ATP5MC3: variants seen among roughly 807,000 people sequenced by gnomAD.
ATP5MC3 encodes the protein ATP synthase F(0) complex subunit C3, mitochondrial.
ATP5MC3 carries 6 observed loss-of-function variants against 15.6 expected under a neutral mutation model. The ratio of observed to expected loss-of-function variants is 0.38; its 90% confidence interval spans 0.21 to 0.76. The LOEUF is 0.76. Among genes scored for constraint, ATP5MC3 ranks in the 30% least tolerant of loss-of-function variants. The pLI, the probability that ATP5MC3 is intolerant of heterozygous loss-of-function variation, is 0.44. For missense variants in ATP5MC3, 132 were observed against 171.2 expected (o/e 0.77, Z 1.28); for synonymous variants, 66 against 63.3 (o/e 1.04, Z -0.20).
rs1362106124 is a variant in ATP5MC3, at chr2:175,181,483, G to A, written c.-73-17C>T. On this transcript the variant is annotated splice_polypyrimidine_tract_variant and intron_variant, in intron 1 of 4. Transcript: ENST00000284727. ...GCTTCCTCTCTGCGGAGGAAAAGAG[G>A]CTTAAGGTCAAGTGCCCTCCAGGGG... 3 of 1,533,020 alleles carry A rather than the reference G, an allele frequency of 2.0e-6. No homozygotes were observed. Among genetic ancestry groups the A allele is most frequent in the Admixed American group, 1.8e-5 (1 of 54,060 alleles). The allele number at this position is 1,533,020 out of a possible 1,614,324, so 95.0% of individuals were successfully genotyped here.
intron 4 of ATP5MC3, 108 bp from the exon 5 acceptor site, chr2:175,178,510 T>A: frequency 2.1e-6 from 3 of 1,456,574 alleles, no homozygotes; most frequent in Non-Finnish European, 2.7e-6. Context: ...AACTGAAAAG[T>A]CTGCTGGAAG....
Position 175,181,665 on chromosome 2 carries a change from AGGC to A in ATP5MC3, c.-86_-84del. The A allele has an allele frequency of 8.3e-6, 4 of 482,084 alleles. No homozygotes were observed. Among genetic ancestry groups the A allele is most frequent in the South Asian group, 3.3e-5 (1 of 30,406 alleles). The allele number at this position is 482,084 out of a possible 1,614,324, so 29.9% of individuals were successfully genotyped here. On this transcript the variant is annotated 5_prime_UTR_variant, in exon 1 of 5. Transcript: ENST00000284727. ...TGTGCCCTCCACTTACCTTCCCAGG[AGGC>A]GGCGGCGGCACGGGCTGCGGCAGAG...
In ATP5MC3 at chr2:175,178,072, C is replaced by T; in HGVS notation, c.*216G>A. 1.2e-6 allele frequency: 1 copy of T among 819,874 alleles called. No homozygotes were observed. The highest frequency in any genetic ancestry group is 1.7e-6 in the Non-Finnish European group (1 of 592,422). The allele number at this position is 819,874 out of a possible 1,614,324, so 50.8% of individuals were successfully genotyped here. A position where few individuals can be genotyped will look rare whatever the true frequency, so the allele number is the denominator to read the frequency against. On this transcript the variant is annotated 3_prime_UTR_variant, in exon 5 of 5. Coordinates refer to ENST00000284727, the MANE Select transcript of ATP5MC3 (RefSeq NM_001689.5). ...CTGCTGTAGCTTCCTCTGAATGGGA[C>T]AGCATCTGCCTGAATGCACGTTCTT...
At chr2:175,178,749 C>T in intron 4 of ATP5MC3, 8 of 1,160,100 alleles carry the variant, frequency 6.9e-6, no homozygotes, top group Non-Finnish European at 8.6e-6. Context: ...ATTTTATTCC[C>T]AAAATAGCTT....
intron 4 of ATP5MC3, 161 bp downstream of exon 4, chr2:175,178,896 A>ATT: frequency 4.9e-6 from 6 of 1,218,262 alleles, no homozygotes; most frequent in South Asian, 1.8e-5. Flanking sequence ...AACACCCCAA[A>ATT]TGGTGTTATG....
chr2:175,179,902 G>C, intron 3 of ATP5MC3, 196 bp downstream of exon 3: 1 of 520,714 alleles, frequency 1.9e-6, no homozygotes, highest in Non-Finnish European at 3.3e-6. Flanking sequence ...CCAAGTTTTG[G>C]ATAGAGAAAT....
At chr2:175,178,512 T>C (rs1469043996) in intron 4 of ATP5MC3, 110 bp from the exon 5 acceptor site, 4 of 1,454,190 alleles carry the variant, frequency 2.8e-6, no homozygotes, top group Admixed American at 2.9e-5. Flanking sequence ...CTGAAAAGTC[T>C]GCTGGAAGAG....
At chr2:175,181,528 C>T in intron 1 of ATP5MC3, 62 bp from the exon 2 acceptor site, 2 of 1,100,986 alleles carry the variant, frequency 1.8e-6, no homozygotes, top group Non-Finnish European at 2.6e-6. Flanking sequence ...CCCACCCAGG[C>T]CCCGCAGGCT....
rs1031065098 is a variant in ATP5MC3, at chr2:175,179,041, G to T, written c.314+16C>A. On this transcript the variant is annotated intron_variant, in intron 4 of 4. Transcript: ENST00000284727. ...GCAAGCATGCTCTTAACTTATTTAG[G>T]GATAGAAATGATTACCTGGCATAAC... 7 of 1,608,994 alleles carry T rather than the reference G, an allele frequency of 4.4e-6. No individual in the cohort carries two copies. Among genetic ancestry groups the T allele is most frequent in the African/African-American group, 1.3e-5 (1 of 74,826 alleles).
Position 175,180,123 on chromosome 2 carries a change from C to T in ATP5MC3, c.95G>A (p.Arg32Gln), listed in dbSNP as rs768171823. Residue 32 changes from arginine (R) to glutamine (Q), a missense_variant, in exon 3 of 5, where the codon CGA becomes CAA. Transcript: ENST00000284727. ...CTCTCCAGTCCTACTAGCCTCTGGT[C>T]GAGATAACACTGATGCAGAAATTGG... Reference protein sequence around the residue: ...YRPISASVLSRPEASRTGEGS... With the variant: ...YRPISASVLSQPEASRTGEGS... 5 of 1,600,076 alleles carry T rather than the reference C, an allele frequency of 3.1e-6. No individual in the cohort carries two copies. The highest frequency in any genetic ancestry group is 2.3e-5 in the South Asian group (2 of 87,494).
chr2:175,179,711 C>A, intron 3 of ATP5MC3: 1 of 215,626 alleles, frequency 4.6e-6, no homozygotes, highest in Non-Finnish European at 9.1e-6. Flanking sequence ...TACTATGTGG[C>A]CCAGGCTGAT....
Position 175,180,133 on chromosome 2 carries a change from C to G in ATP5MC3, c.85G>C (p.Val29Leu), listed in dbSNP as rs1438022605. The change falls in exon 3 of 5, where the codon GTG becomes CTG. Residue 29 changes from valine to leucine, a missense_variant. Val to Leu is a conservative substitution (Grantham distance 32). Transcript: ENST00000284727. ...CTACTAGCCTCTGGTCGAGATAACA[C>G]TGATGCAGAAATTGGTCTGTATGCA... ...RVAYRPISAS[V>L]LSRPEASRTG... The G allele has an allele frequency of 6.2e-7, 1 of 1,600,538 alleles. No homozygotes were observed. Among genetic ancestry groups the G allele is most frequent in the Non-Finnish European group, 8.5e-7 (1 of 1,177,168 alleles).
At chr2:175,181,222 T>G in intron 2 of ATP5MC3, 133 bp downstream of exon 2, 2 of 1,100,300 alleles carry the variant, frequency 1.8e-6, no homozygotes, top group Non-Finnish European at 1.3e-6. Context: ...CGGCAATGGG[T>G]TAATAGGTAA....
In ATP5MC3 at chr2:175,178,176, G is replaced by C. The variant is rs1358813357; in HGVS notation, c.*112C>G. ...TTTCATCTTTAATGAAATGACTTTG[G>C]AAATAACGTACATTCCCATGACACC... On this transcript the variant is annotated 3_prime_UTR_variant, in exon 5 of 5. Transcript: ENST00000284727. 1 of 1,459,386 alleles carries C rather than the reference G, an allele frequency of 6.9e-7. No homozygotes were observed. Among genetic ancestry groups the C allele is most frequent in the Non-Finnish European group, 9.0e-7 (1 of 1,105,920 alleles). 90.4% of individuals were successfully genotyped at this position (1,459,386 alleles called of 1,614,324 possible). A position where few individuals can be genotyped will look rare whatever the true frequency, so the allele number is the denominator to read the frequency against.
Position 175,181,691 on chromosome 2 carries a change from G to C in ATP5MC3, c.-109C>G, listed in dbSNP as rs138805552. On this transcript the variant is annotated 5_prime_UTR_variant, in exon 1 of 5. Transcript: ENST00000284727. ...GGCGGCGGCGGCACGGGCTGCGGCAGAGGTCGAAGGAGTGGGACTCAATGC... is the reference window on the plus strand; with the variant it reads ...GGCGGCGGCGGCACGGGCTGCGGCACAGGTCGAAGGAGTGGGACTCAATGC... 1.2e-5 allele frequency: 5 copies of C among 429,398 alleles called. No individual in the cohort carries two copies. Among genetic ancestry groups the C allele is most frequent in the Middle Eastern group, 1.2e-3 (2 of 1,712 alleles). The allele number at this position is 429,398 out of a possible 1,614,324, so 26.6% of individuals were successfully genotyped here. A position where few individuals can be genotyped will look rare whatever the true frequency, so the allele number is the denominator to read the frequency against.
chr2:175,178,892 C>A, intron 4 of ATP5MC3, 165 bp downstream of exon 4: 1 of 1,210,506 alleles, frequency 8.3e-7, no homozygotes, highest in Non-Finnish European at 1.1e-6. Context: ...TCATAACACC[C>A]CAAATGGTGT....
intron 2 of ATP5MC3, among the ~76,000 whole-genome samples, chr2:175,180,907 C>T (rs540594327): frequency 6.6e-6 from 1 of 152,298 alleles, no homozygotes; most frequent in East Asian, 1.9e-4. Context: ...TTCCTCCGCC[C>T]CCACACGGAA....
chr2:175,178,457 G>A (rs940426045), intron 4 of ATP5MC3, 55 bp from the exon 5 acceptor site: 26 of 1,554,048 alleles, frequency 1.7e-5, no homozygotes, highest in African/African-American at 2.8e-5. Flanking sequence ...AACATGTTTG[G>A]TAAATGTTAA....
chr2:175,181,140 C>T (rs1288294918), intron 2 of ATP5MC3, among the ~76,000 whole-genome samples: 1 of 152,258 alleles, frequency 6.6e-6, no homozygotes, highest in Non-Finnish European at 1.5e-5. Flanking sequence ...GGCCTGACAG[C>T]TAGGCCTCGG....
Sources: allele counts gnomAD v4.1 joint callset (sites outside exome capture counted in the v4.1 genomes callset), GRCh38; gene constraint gnomAD v4.1.1; transcripts MANE v1.5; gene names NCBI Gene and HGNC (gene_info 2026-07-23, HGNC 2026-07-21).